Variants in NRXN3 observed in about 807,000 individuals in gnomAD.
The protein encoded by NRXN3 is neurexin III.
Under a neutral mutation model 137.6 loss-of-function variants are expected in NRXN3, and 32 were observed. That is an observed-to-expected ratio of 0.23 (90% CI 0.18 to 0.31). The LOEUF (loss-of-function observed/expected upper bound fraction) is 0.31, where lower values mean the gene tolerates loss of function less well. Among genes scored for constraint, NRXN3 ranks in the 10% least tolerant of loss-of-function variants. NRXN3 has a pLI of 1.00. For synonymous variants in NRXN3, 798 were observed against 784.5 expected, an observed-to-expected ratio of 1.02 and a Z score of -0.29; for missense variants, 1,574 against 2,062.5, an observed-to-expected ratio of 0.76 and a Z score of 4.59.
In NRXN3 at chr14:79,403,411, G is replaced by A. The variant is rs115678472; in HGVS notation, c.3263-63810G>A. Reference sequence around the variant, plus strand: ...AAGTTAATCAGCTCAGTAGGGGGAAGGAAAAAGGAAGAGAGAAAGAGCAGG... The same window carrying A: ...AAGTTAATCAGCTCAGTAGGGGGAAAGAAAAAGGAAGAGAGAAAGAGCAGG... On this transcript the variant is annotated intron_variant, in intron 15 of 20. Transcript: ENST00000335750. 4.7e-3 allele frequency among the ~76,000 whole-genome samples: 709 copies of A among 152,202 alleles called. 8 individuals carry two copies. The highest frequency in any genetic ancestry group is 0.016 in the African/African-American group (666 of 41,536).
At chr14:78,365,531 C>T (rs1279720905) in intron 4 of NRXN3, among the ~76,000 whole-genome samples, 2 of 152,142 alleles carry the variant, frequency 1.3e-5, no homozygotes, top group African/African-American at 2.4e-5. Flanking sequence ...TGCTCATATT[C>T]TATTGGCTAG....
At position 78,463,048 on chromosome 14, in the gene NRXN3, A is replaced by G. The variant is rs1011808220; in HGVS notation, c.757+165188A>G. Among the ~76,000 whole-genome samples the G allele has an allele frequency of 4.6e-5, 7 of 152,212 alleles. No homozygotes were observed. In the South Asian group the frequency reaches 6.2e-4, roughly 14 times the overall value. ...CTAATGTCTTTATTCTACTCGGTAC[A>G]CCCACGTGTACTCATTGTTAAGCTC... On this transcript the variant is annotated intron_variant, in intron 4 of 20. Coordinates refer to ENST00000335750, the MANE Select transcript of NRXN3 (RefSeq NM_001330195.2).
chr14:79,740,694 G>T (rs2098957955), intron 19 of NRXN3, among the ~76,000 whole-genome samples: 1 of 106,828 alleles, frequency 9.4e-6, no homozygotes. Flanking sequence ...CTTTCCACTG[G>T]ACTTTGCATT....
chr14:78,791,982 T>A (rs776211177), intron 8 of NRXN3, among the ~76,000 whole-genome samples: 1 of 151,938 alleles, frequency 6.6e-6, no homozygotes, highest in Non-Finnish European at 1.5e-5. Flanking sequence ...TGGACAGAGA[T>A]GCCTGAGTGT....
chr14:78,822,404 G>A (rs2098953195), intron 10 of NRXN3, among the ~76,000 whole-genome samples: 1 of 152,102 alleles, frequency 6.6e-6, no homozygotes, highest in African/African-American at 2.4e-5. Flanking sequence ...GCTGGGTGTG[G>A]TGTCTCAGGT....
chr14:78,983,268 A>G (rs1598207177), intron 14 of NRXN3, among the ~76,000 whole-genome samples: 1 of 152,218 alleles, frequency 6.6e-6, no homozygotes. Context: ...TAGAATTACC[A>G]TATGATTCAG....
intron 15 of NRXN3, among the ~76,000 whole-genome samples, chr14:79,327,526 C>T (rs186239480): frequency 6.6e-6 from 1 of 152,108 alleles, no homozygotes; most frequent in African/African-American, 2.4e-5. Context: ...CACATTCCCC[C>T]ACAAGCACAC....
chr14:79,469,296 T>C (rs1189375391), intron 16 of NRXN3, among the ~76,000 whole-genome samples: 2 of 152,210 alleles, frequency 1.3e-5, no homozygotes, highest in African/African-American at 4.8e-5. Flanking sequence ...TTTCTGATGG[T>C]TTACTTGAAA....
At chr14:79,389,977 A>C (rs1032281706) in intron 15 of NRXN3, among the ~76,000 whole-genome samples, 1 of 152,226 alleles carries the variant, frequency 6.6e-6, no homozygotes, top group Non-Finnish European at 1.5e-5. Flanking sequence ...CATAATATTG[A>C]AAGCAGTTTG....
At chr14:78,908,678 G>A (rs2099226720) in intron 10 of NRXN3, among the ~76,000 whole-genome samples, 1 of 152,044 alleles carries the variant, frequency 6.6e-6, no homozygotes, top group Non-Finnish European at 1.5e-5. Flanking sequence ...ACAGGATCTA[G>A]TTTGAGACAC....
intron 15 of NRXN3, among the ~76,000 whole-genome samples, chr14:79,193,720 G>C (rs926926158): frequency 6.6e-5 from 10 of 152,264 alleles, no homozygotes; most frequent in African/African-American, 2.4e-4. Flanking sequence ...GAAGACAACA[G>C]TAAAGGAAAG....
rs564285638 is a variant in NRXN3, at chr14:78,784,757, C to T, written c.2045-18863C>T. ...CTAGTTAGTAGACAGAGGATGGGGG[C>T]TTTGACTACAGGAGTAGACTTGGGA... On this transcript the variant is annotated intron_variant, in intron 8 of 20. Transcript: ENST00000335750. 8.5e-5 allele frequency among the ~76,000 whole-genome samples: 13 copies of T among 152,174 alleles called. No individual in the cohort carries two copies. The South Asian group carries it at 2.7e-3, about 32-fold the overall frequency.
intron 15 of NRXN3, among the ~76,000 whole-genome samples, chr14:79,247,842 T>C (rs932052791): frequency 6.6e-6 from 1 of 152,132 alleles, no homozygotes; most frequent in African/African-American, 2.4e-5. Flanking sequence ...ACCTCTATTC[T>C]TCTGCATCAC....
chr14:78,555,254 A>T (rs1219369869), intron 4 of NRXN3, among the ~76,000 whole-genome samples: 1 of 152,214 alleles, frequency 6.6e-6, no homozygotes, highest in Non-Finnish European at 1.5e-5. Context: ...ATGATTTCAT[A>T]TGCAATTTTG....
intron 4 of NRXN3, among the ~76,000 whole-genome samples, chr14:78,480,749 T>G (rs1216749837): frequency 6.6e-6 from 1 of 152,206 alleles, no homozygotes; most frequent in Non-Finnish European, 1.5e-5. Context: ...CAGCTTTTTT[T>G]GTCCCTTTCT....
At chr14:79,228,712 G>C (rs1368567266) in intron 15 of NRXN3, among the ~76,000 whole-genome samples, 2 of 152,184 alleles carry the variant, frequency 1.3e-5, no homozygotes, top group Admixed American at 1.3e-4. Context: ...TTTGCAACTG[G>C]TGCCTGCCTG....
At chr14:78,197,054 G>A (rs114912658) in intron 1 of NRXN3, among the ~76,000 whole-genome samples, 3 of 152,204 alleles carry the variant, frequency 2.0e-5, no homozygotes, top group Non-Finnish European at 4.4e-5. Flanking sequence ...CTCTTTAGGA[G>A]ACCCTCCTGC....
intron 4 of NRXN3, among the ~76,000 whole-genome samples, chr14:78,385,594 C>T (rs2089853990): frequency 6.6e-6 from 1 of 152,122 alleles, no homozygotes; most frequent in African/African-American, 2.4e-5. Context: ...GGACAGAAGG[C>T]CAGTGATTGG....
intron 15 of NRXN3, among the ~76,000 whole-genome samples, chr14:79,457,997 C>A (rs745918291): frequency 2.0e-5 from 3 of 151,896 alleles, no homozygotes; most frequent in Non-Finnish European, 4.4e-5. Flanking sequence ...TTTGTTTTTC[C>A]TTTATTCATT....
Sources: allele counts gnomAD v4.1 joint callset (sites outside exome capture counted in the v4.1 genomes callset), GRCh38; gene constraint gnomAD v4.1.1; transcripts MANE v1.5; gene names NCBI Gene and HGNC (gene_info 2026-07-23, HGNC 2026-07-21).